The following GOLGB1 variants were observed in gnomAD, a reference collection of about 807,000 sequenced individuals.
The protein encoded by GOLGB1 is golgin subfamily B member 1.
GOLGB1 carries 174 observed loss-of-function variants against 336.9 expected under a neutral mutation model. The observed-to-expected ratio is 0.52, with a 90% CI of 0.46 to 0.59. The LOEUF is 0.59. Ranked by LOEUF, GOLGB1 falls within the 20% of genes least tolerant of loss-of-function variation. The pLI is 0.00. For synonymous variants in GOLGB1, 1,208 were observed against 1,289.2 expected (o/e 0.94, Z 1.35); for missense variants, 3,331 against 3,645.3 (o/e 0.91, Z 2.22).
At position 121,681,807 on chromosome 3, in the gene GOLGB1, T is replaced by C; in HGVS notation, c.8753A>G (p.Glu2918Gly). ...QYLQINQEIT[E>G]LHPLKAQLQE... The stretch of plus-strand genomic sequence containing the variant: ...AAGTTGAGCCTTCAGTGGATGTAAC[T>C]CAGTGATCTCTTGATTAATCTGTAA... The change falls in exon 15 of 22, where the codon GAG (glutamate) becomes GGG (glycine). Residue 2918 changes from glutamate (E) to glycine (G), a missense_variant. Coordinates refer to ENST00000614479, the MANE Select transcript of GOLGB1 (RefSeq NM_001366282.2). 6.2e-7 allele frequency: 1 copy of C among 1,603,240 alleles called. No homozygotes were observed. Among genetic ancestry groups the C allele is most frequent in the Middle Eastern group, 1.7e-4 (1 of 6,040 alleles).
chr3:121,667,472 T>G lies in GOLGB1; in HGVS notation c.9554+4A>C. On this transcript the variant is annotated splice_donor_region_variant and intron_variant, in intron 20 of 21. Transcript: ENST00000614479. ...GAACAGAGGCTATCTCCTTCAGCCT[T>G]TACCGTCTGATCTGCTCCTCGGCCA... 6.2e-7 allele frequency: 1 copy of G among 1,613,616 alleles called. No individual in the cohort carries two copies. Among genetic ancestry groups the G allele is most frequent in the Non-Finnish European group, 8.5e-7 (1 of 1,179,706 alleles).
chr3:121,680,588 T>A (rs746923534), intron 15 of GOLGB1, among the ~76,000 whole-genome samples: 1 of 152,086 alleles, frequency 6.6e-6, no homozygotes, highest in Non-Finnish European at 1.5e-5. Context: ...CATAGCAGAA[T>A]GGAGGTAGGA....
intron 4 of GOLGB1, among the ~76,000 whole-genome samples, chr3:121,728,778 C>T (rs573832146): frequency 6.6e-6 from 1 of 152,158 alleles, no homozygotes; most frequent in African/African-American, 2.4e-5. Flanking sequence ...TATGAGGACA[C>T]AGAATATTCT....
At position 121,664,432 on chromosome 3, in the gene GOLGB1, G is replaced by A. The variant is rs747625433; in HGVS notation, c.*48C>T. 1 of 1,528,976 alleles carries A rather than the reference G, an allele frequency of 6.5e-7. No individual in the cohort carries two copies. The highest frequency in any genetic ancestry group is 1.1e-5 in the South Asian group (1 of 89,408). 94.7% of individuals were successfully genotyped at this position (1,528,976 alleles called of 1,614,324 possible). A position where few individuals can be genotyped will look rare whatever the true frequency, so the allele number is the denominator to read the frequency against. On this transcript the variant is annotated 3_prime_UTR_variant, in exon 22 of 22. Transcript: ENST00000614479. The stretch of plus-strand genomic sequence containing the variant: ...ATTGATGTTCTGATGTTAGAGGTGA[G>A]AGAATTCCAAGTTTTGAGGGGAGTG...
intron 5 of GOLGB1, among the ~76,000 whole-genome samples, chr3:121,725,277 A>G (rs1027718916): frequency 6.6e-6 from 1 of 152,234 alleles, no homozygotes; most frequent in African/African-American, 2.4e-5. Flanking sequence ...GACTAAGCCC[A>G]GCAAAGCCAT....
In GOLGB1 at chr3:121,677,474, C is replaced by T. The variant is rs1180671815; in HGVS notation, c.8874-24G>A. 3 of 1,567,974 alleles carry T rather than the reference C, an allele frequency of 1.9e-6. No individual in the cohort carries two copies. In the African/African-American group the frequency reaches 4.1e-5, roughly 21 times the overall value. ...TCCTAGAAAAAACATGACACAATCA[C>T]AGGTAAAAATATACTTGTAACTGGG... On this transcript the variant is annotated intron_variant, in intron 15 of 21. Transcript: ENST00000614479.
chr3:121,737,321 T>C (rs1434298363), intron 1 of GOLGB1, among the ~76,000 whole-genome samples: 6 of 152,186 alleles, frequency 3.9e-5, no homozygotes, highest in African/African-American at 7.2e-5. Context: ...TTATGCCTAA[T>C]TTTACATTTT....
rs752331257 is a variant in GOLGB1 at position 121,729,956 on chromosome 3, C to T, written c.158G>A (p.Arg53His). 1.7e-5 allele frequency: 28 copies of T among 1,607,360 alleles called. No individual in the cohort carries two copies. In the East Asian group the frequency reaches 2.7e-4, roughly 15 times the overall value. The change falls in exon 3 of 22, where the codon CGC (arginine) becomes CAC (histidine). Residue 53 changes from arginine to histidine, a missense_variant. Arg to His is a conservative substitution (Grantham distance 29). Transcript: ENST00000614479. ...CACCAATTGCTCTGCATAAGCCAGG[C>T]GCTCCTGAACATCTTCTTGTGTAGT... ...NNTTQEDVQERLAYAEQLVVE... is the reference protein window; with the variant it reads ...NNTTQEDVQEHLAYAEQLVVE...
chr3:121,686,707 T>G (rs1560199357), intron 14 of GOLGB1, among the ~76,000 whole-genome samples: 1 of 152,004 alleles, frequency 6.6e-6, no homozygotes, highest in East Asian at 1.9e-4. Context: ...GGACAAATGA[T>G]AAGTAAAATA....
Position 121,727,032 on chromosome 3 carries a change from T to C in GOLGB1, c.412A>G (p.Ser138Gly), listed in dbSNP as rs1371237940. Residue 138 changes from serine (S) to glycine (G), a missense_variant, in exon 5 of 22, where the codon AGT becomes GGT. Coordinates refer to ENST00000614479, the MANE Select transcript of GOLGB1 (RefSeq NM_001366282.2). ...SEEQLSKHDK[S>G]STEEEMEIEK... The stretch of plus-strand genomic sequence containing the variant: ...ATTTCCATCTCTTCCTCTGTAGAAC[T>C]CTTGTCATGCTGAAAATGCAGGAGA... 6.4e-7 allele frequency: 1 copy of C among 1,564,108 alleles called. No individual in the cohort carries two copies. Among genetic ancestry groups the C allele is most frequent in the African/African-American group, 1.4e-5 (1 of 73,714 alleles).
intron 14 of GOLGB1, among the ~76,000 whole-genome samples, chr3:121,685,023 A>C (rs1300756676): frequency 6.6e-6 from 1 of 152,198 alleles, no homozygotes; most frequent in African/African-American, 2.4e-5. Flanking sequence ...AATGGCAGTA[A>C]ATCTGAGGTT....
chr3:121,727,316 ATATATTTTTTTT>A (rs1353405768), intron 4 of GOLGB1, among the ~76,000 whole-genome samples: 2 of 36,096 alleles, frequency 5.5e-5, no homozygotes, highest in African/African-American at 1.5e-4. Flanking sequence ...ATATATATAT[ATATATTTTTTTT>A]TTTTTTTTTT....
At position 121,717,139 on chromosome 3, in the gene GOLGB1, T is replaced by A. The variant is rs1342074874; in HGVS notation, c.886A>T (p.Ile296Phe). The A allele has an allele frequency of 8.2e-6, 13 of 1,589,194 alleles. No homozygotes were observed. The highest frequency in any genetic ancestry group is 7.4e-5 in the Admixed American group (4 of 54,180). The change falls in exon 9 of 22, where the codon ATT (isoleucine) becomes TTT (phenylalanine). Residue 296 changes from isoleucine to phenylalanine, a missense_variant and splice_region_variant. By Grantham distance (21) the Ile-to-Phe change is conservative. Transcript: ENST00000614479. ...ELTAAEQRNQ[I>F]LSQQLQQMEA... The stretch of plus-strand genomic sequence containing the variant: ...ATCTGCTGTAACTGCTGAGAGAGAA[T>A]CTAAGAAAAAAGACAAAGTCTCATG...
At chr3:121,728,094 G>A (rs1945811370) in intron 4 of GOLGB1, among the ~76,000 whole-genome samples, 1 of 152,166 alleles carries the variant, frequency 6.6e-6, no homozygotes, top group South Asian at 2.1e-4. Context: ...AGAGAGGTTG[G>A]TGCTACCACA....
At chr3:121,714,009 T>C (rs1410306387) in intron 10 of GOLGB1, among the ~76,000 whole-genome samples, 1 of 152,232 alleles carries the variant, frequency 6.6e-6, no homozygotes, top group Non-Finnish European at 1.5e-5. Flanking sequence ...AGATGTTCGC[T>C]ACAAAACTCT....
Position 121,726,976 on chromosome 3 carries a change from C to G in GOLGB1, c.468G>C (p.Lys156Asn). 6.2e-7 allele frequency: 1 copy of G among 1,604,482 alleles called. No individual in the cohort carries two copies. The highest frequency in any genetic ancestry group is 1.3e-5 in the African/African-American group (1 of 74,724). Residue 156 changes from lysine (K) to asparagine (N), a missense_variant, in exon 5 of 22, where the codon AAG becomes AAC. By Grantham distance (94) the Lys-to-Asn change is moderately conservative. Transcript: ENST00000614479. ...IEKIKHKLQE[K>N]EELISTLQAQ... ...CTTGCAAAGTGCTGATTAGTTCCTC[C>G]TTCTCCTGGAGCTTATGTTTTATCT...
At chr3:121,744,364 T>C (rs1162033718) in intron 1 of GOLGB1, among the ~76,000 whole-genome samples, 3 of 146,510 alleles carry the variant, frequency 2.0e-5, no homozygotes, top group African/African-American at 7.7e-5. Context: ...CCCAGCACCT[T>C]AGAAGGCTGA....
chr3:121,716,654 T>G, intron 9 of GOLGB1, 83 bp downstream of exon 9: 2 of 1,155,410 alleles, frequency 1.7e-6, no homozygotes, highest in Non-Finnish European at 2.5e-6. Flanking sequence ...GAGTACAGAT[T>G]TCATTAACAG....
At position 121,693,887 on chromosome 3, in the gene GOLGB1, T is replaced by G. The variant is rs1942695022; in HGVS notation, c.6636A>C (p.Glu2212Asp). 6.2e-7 allele frequency: 1 copy of G among 1,613,998 alleles called. No individual in the cohort carries two copies. The highest frequency in any genetic ancestry group is 8.5e-7 in the Non-Finnish European group (1 of 1,179,940). The change falls in exon 13 of 22, where the codon GAA becomes GAC. Residue 2212 changes from glutamate to aspartate, a missense_variant. Glu to Asp is a conservative substitution (Grantham distance 45). Coordinates refer to ENST00000614479, the MANE Select transcript of GOLGB1 (RefSeq NM_001366282.2). ...TAAACTTCCTCTCCCATTTCTTAGCTTCATCTATCACCCTGTCACGATCAT... is the reference window on the plus strand; with the variant it reads ...TAAACTTCCTCTCCCATTTCTTAGCGTCATCTATCACCCTGTCACGATCAT... ...LQDDRDRVID[E>D]AKKWERKFSD...
Sources: allele counts gnomAD v4.1 joint callset (sites outside exome capture counted in the v4.1 genomes callset), GRCh38; gene constraint gnomAD v4.1.1; transcripts MANE v1.5; gene names NCBI Gene and HGNC (gene_info 2026-07-23, HGNC 2026-07-21).